AGMO: variants seen among roughly 807,000 people sequenced by gnomAD.
The protein encoded by AGMO is glyceryl-ether monooxygenase.
A neutral mutation model predicts 60.2 loss-of-function variants in AGMO; 75 were observed. The observed-to-expected ratio is 1.25, with a 90% CI of 1.03 to 1.51. AGMO has a LOEUF of 1.51. Among genes scored for constraint, AGMO ranks in the 40% most tolerant of loss-of-function variants. The probability of loss-of-function intolerance (pLI) is 0.00; values close to 1 mark genes in which losing one functional copy is unlikely to be tolerated. For missense variants in AGMO, 763 were observed against 525.5 expected (o/e 1.45, Z -4.42); for synonymous variants, 261 against 177.1 (o/e 1.47, Z -3.76).
chr7:15,249,179 T>G (rs957720454), intron 12 of AGMO, among the ~76,000 whole-genome samples: 41 of 152,164 alleles, frequency 2.7e-4, no homozygotes, highest in Admixed American at 2.0e-4. Flanking sequence ...ACAATCATGT[T>G]AAGAGCTGAA....
At chr7:15,141,091 A>G in the AGMO span, among the ~76,000 whole-genome samples, 1 of 152,068 alleles carries the variant, frequency 6.6e-6, no homozygotes, top group Non-Finnish European at 1.5e-5. Context: ...TCATCTAAGA[A>G]CTTTCATCTT....
chr7:15,272,489 A>C (rs759116488), intron 12 of AGMO, among the ~76,000 whole-genome samples: 3 of 151,934 alleles, frequency 2.0e-5, no homozygotes, highest in Non-Finnish European at 4.4e-5. Flanking sequence ...ATAGTATTCC[A>C]TGGTGTATAT....
At chr7:15,394,860 C>T (rs914892550) in intron 5 of AGMO, among the ~76,000 whole-genome samples, 1 of 152,116 alleles carries the variant, frequency 6.6e-6, no homozygotes, top group Non-Finnish European at 1.5e-5. Flanking sequence ...AGGCACAATT[C>T]GAAGTCAAAT....
chr7:15,474,719 C>T (rs912722954), intron 3 of AGMO, among the ~76,000 whole-genome samples: 2 of 152,074 alleles, frequency 1.3e-5, no homozygotes, highest in African/African-American at 2.4e-5. Context: ...AACTAAAGAG[C>T]TTCTGCACAG....
At chr7:15,338,934 G>C (rs1421592228) in intron 12 of AGMO, among the ~76,000 whole-genome samples, 2 of 152,178 alleles carry the variant, frequency 1.3e-5, no homozygotes, top group Non-Finnish European at 2.9e-5. Flanking sequence ...GTTGGCAAGT[G>C]GGGAGCAGCC....
At chr7:15,348,449 A>T (rs1031652336) in intron 12 of AGMO, among the ~76,000 whole-genome samples, 5 of 152,128 alleles carry the variant, frequency 3.3e-5, no homozygotes, top group African/African-American at 1.2e-4. Context: ...TTTCAGGATC[A>T]AATGAAAGAA....
intron 3 of AGMO, among the ~76,000 whole-genome samples, chr7:15,530,803 T>G (rs1264019710): frequency 1.8e-4 from 21 of 117,666 alleles, no homozygotes; most frequent in South Asian, 1.2e-3. Flanking sequence ...CATTTCTCTA[T>G]ATATTCTATA....
chr7:15,416,397 T>C (rs1780771382), intron 5 of AGMO, among the ~76,000 whole-genome samples: 2 of 152,156 alleles, frequency 1.3e-5, no homozygotes, highest in Non-Finnish European at 2.9e-5. Flanking sequence ...AACTATTTGG[T>C]ACGTTTTATG....
At chr7:15,439,882 C>A (rs1321451260) in intron 3 of AGMO, among the ~76,000 whole-genome samples, 2 of 152,150 alleles carry the variant, frequency 1.3e-5, no homozygotes, top group African/African-American at 4.8e-5. Flanking sequence ...ATGTTAGGAA[C>A]TGGGATGAGA....
intron 12 of AGMO, among the ~76,000 whole-genome samples, chr7:15,223,437 A>G (rs1213156014): frequency 3.9e-5 from 6 of 152,034 alleles, no homozygotes; most frequent in Admixed American, 3.9e-4. Context: ...TCATATAGAT[A>G]TAAGAATGAA....
At chr7:15,293,667 A>T (rs1002859822) in intron 12 of AGMO, among the ~76,000 whole-genome samples, 1 of 152,218 alleles carries the variant, frequency 6.6e-6, no homozygotes. Context: ...AAGAAAGATC[A>T]GTATTTGATA....
At chr7:15,208,632 C>T (rs1222968797) in intron 12 of AGMO, among the ~76,000 whole-genome samples, 1 of 152,128 alleles carries the variant, frequency 6.6e-6, no homozygotes, top group Non-Finnish European at 1.5e-5. Context: ...TCAAAATAAC[C>T]TGCACCCATG....
chr7:15,379,622 A>G (rs576079696), intron 10 of AGMO, among the ~76,000 whole-genome samples: 2 of 152,228 alleles, frequency 1.3e-5, no homozygotes, highest in African/African-American at 4.8e-5. Flanking sequence ...TAACCTACCA[A>G]TCAACAAAAG....
At chr7:15,314,570 T>C (rs552756739) in intron 12 of AGMO, among the ~76,000 whole-genome samples, 67 of 152,290 alleles carry the variant, frequency 4.4e-4, no homozygotes, top group Middle Eastern at 3.4e-3. Flanking sequence ...AAGTTTTTAG[T>C]TCACTGGAAC....
chr7:15,425,692 A>G (rs1781041111), intron 4 of AGMO, among the ~76,000 whole-genome samples: 1 of 152,158 alleles, frequency 6.6e-6, no homozygotes, highest in Non-Finnish European at 1.5e-5. Flanking sequence ...TGCCTGCCTC[A>G]GCCTCCCAAA....
the AGMO span, among the ~76,000 whole-genome samples, chr7:15,119,353 T>G: frequency 6.6e-6 from 1 of 152,046 alleles, no homozygotes; most frequent in African/African-American, 2.4e-5. Context: ...ATTAAACCTC[T>G]TTTCTTTATA....
chr7:15,398,148 A>G (rs780707921), intron 5 of AGMO, among the ~76,000 whole-genome samples: 3 of 152,190 alleles, frequency 2.0e-5, no homozygotes, highest in Non-Finnish European at 4.4e-5. Flanking sequence ...GGAGAGGACT[A>G]CACTGACCAG....
intron 12 of AGMO, among the ~76,000 whole-genome samples, chr7:15,348,074 T>C (rs1184741185): frequency 1.3e-5 from 2 of 152,090 alleles, no homozygotes; most frequent in Non-Finnish European, 2.9e-5. Context: ...CTTGGATGTT[T>C]ATCATGTTAT....
chr7:15,274,344 T>G (rs1212338458), intron 12 of AGMO, among the ~76,000 whole-genome samples: 1 of 152,210 alleles, frequency 6.6e-6, no homozygotes, highest in African/African-American at 2.4e-5. Flanking sequence ...TTGAATGTTG[T>G]CAAAGGCCTT....
Sources: gnomAD v4.1 joint callset for allele counts (sites outside exome capture counted in the v4.1 genomes callset) on GRCh38, gnomAD v4.1.1 for gene constraint, MANE v1.5 for transcripts, NCBI Gene and HGNC (gene_info 2026-07-23, HGNC 2026-07-21) for gene names.